The following ULK1 variants were observed in gnomAD, a reference collection of about 807,000 sequenced individuals.
ULK1 encodes serine/threonine-protein kinase ULK1.
A neutral mutation model predicts 117.5 loss-of-function variants in ULK1; 48 were observed. The ratio of observed to expected loss-of-function variants is 0.41; its 90% CI spans 0.32 to 0.52. ULK1 has a LOEUF of 0.52. Among genes scored for constraint, ULK1 ranks in the 20% least tolerant of loss-of-function variants. The pLI, the probability that ULK1 is intolerant of heterozygous loss-of-function variation, is 0.29. For synonymous variants in ULK1, 790 were observed against 637.8 expected, an observed-to-expected ratio of 1.24 and a Z score of -3.60; for missense variants, 1,387 against 1,473.4, an observed-to-expected ratio of 0.94 and a Z score of 0.96.
At position 131,902,113 on chromosome 12, in the gene ULK1, A is replaced by T. The variant is rs1387446624; in HGVS notation, c.247-4779A>T. On this transcript the variant is annotated intron_variant, in intron 3 of 27. Coordinates refer to ENST00000321867, the MANE Select transcript of ULK1 (RefSeq NM_003565.4). The surrounding 1 kb of genome is among the most constrained non-coding windows in gnomAD (Gnocchi z 6.3). ...AGGCCCATACACAATGGGCGGCTGCAGGTGGTTCCCCAGGGCCAGAGGGTG... is the reference window on the plus strand; with the variant it reads ...AGGCCCATACACAATGGGCGGCTGCTGGTGGTTCCCCAGGGCCAGAGGGTG... Among the ~76,000 whole-genome samples, 1 of 152,170 alleles carries T rather than the reference A, an allele frequency of 6.6e-6. No individual in the cohort carries two copies. The highest frequency in any genetic ancestry group is 6.5e-5 in the Admixed American group (1 of 15,278).
chr12:131,910,648 T>A (rs1322212418), intron 11 of ULK1, 64 bp from the exon 12 acceptor site: 33 of 1,612,444 alleles, frequency 2.0e-5, no homozygotes, highest in Non-Finnish European at 2.8e-5. Flanking sequence ...AGTCTGTGGG[T>A]TGGCTCGAGG....
intron 23 of ULK1, among the ~76,000 whole-genome samples, chr12:131,918,914 GTGGGGTGCA>G (rs1357174270): frequency 2.9e-5 from 4 of 139,116 alleles, no homozygotes; most frequent in Non-Finnish European, 4.7e-5. Flanking sequence ...TGTAGGGTGT[GTGGGGTGCA>G]GGGTGTGTGG....
chr12:131,897,173 G>C (rs1182691938), intron 3 of ULK1: 1 of 152,288 alleles, frequency 6.6e-6, no homozygotes, highest in Non-Finnish European at 1.5e-5. Flanking sequence ...CGGGCACCGG[G>C]CTCTGCTGGA....
intron 10 of ULK1, 42 bp from the exon 11 acceptor site, chr12:131,910,212 G>A: frequency 6.2e-7 from 1 of 1,612,102 alleles, no homozygotes; most frequent in Non-Finnish European, 8.5e-7. Context: ...TGGGGTCAGA[G>A]CTGGGGTCCT....
Position 131,921,931 on chromosome 12 carries a change from C to T in ULK1, c.*570C>T, listed in dbSNP as rs1566132673. ...CCTGGTGTTTGTACATACACATATGCAGACACATGCCAGGGCCCCCCAAGC... is the reference window on the plus strand; with the variant it reads ...CCTGGTGTTTGTACATACACATATGTAGACACATGCCAGGGCCCCCCAAGC... On this transcript the variant is annotated 3_prime_UTR_variant, in exon 28 of 28. Transcript: ENST00000321867. 2 of 456,504 alleles carry T rather than the reference C, an allele frequency of 4.4e-6. No individual in the cohort carries two copies. Among genetic ancestry groups the T allele is most frequent in the South Asian group, 1.5e-5 (1 of 64,566 alleles). 28.3% of individuals were successfully genotyped at this position (456,504 alleles called of 1,614,324 possible). A position where few individuals can be genotyped will look rare whatever the true frequency, so the allele number is the denominator to read the frequency against.
Position 131,919,569 on chromosome 12 carries a change from C to G in ULK1, c.2782C>G (p.Leu928Val), listed in dbSNP as rs1407962232. ...IDQIRAGKLC[L>V]SSTVKQVVRR... Reference sequence around the variant, plus strand: ...CCAGATCCGGGCCGGCAAGCTCTGCCTGTCGTCCACTGTGAAGCAGGGTGA... The same window carrying G: ...CCAGATCCGGGCCGGCAAGCTCTGCGTGTCGTCCACTGTGAAGCAGGGTGA... The change falls in exon 25 of 28, where the codon CTG becomes GTG. Residue 928 changes from leucine (L) to valine (V), a missense_variant. Coordinates refer to ENST00000321867, the MANE Select transcript of ULK1 (RefSeq NM_003565.4). 3 of 1,612,010 alleles carry G rather than the reference C, an allele frequency of 1.9e-6. No individual in the cohort carries two copies. The highest frequency in any genetic ancestry group is 2.2e-5 in the East Asian group (1 of 44,886).
intron 3 of ULK1, among the ~76,000 whole-genome samples, chr12:131,896,334 G>T (rs1448087579): frequency 6.6e-6 from 1 of 152,140 alleles, no homozygotes; most frequent in African/African-American, 2.4e-5. Context: ...ATGACCTCGG[G>T]CCCGGCTGGC....
chr12:131,919,881 G>C, intron 25 of ULK1, 98 bp from the exon 26 acceptor site: 1 of 1,491,316 alleles, frequency 6.7e-7, no homozygotes, highest in Non-Finnish European at 9.0e-7. Context: ...GGCAGGGAGG[G>C]AGGGACGTGC....
intron 22 of ULK1, 23 bp from the exon 23 acceptor site, chr12:131,918,474 C>T (rs1889958915): frequency 1.2e-6 from 2 of 1,601,682 alleles, no homozygotes; most frequent in African/African-American, 1.3e-5. Context: ...CCTGGTGTGC[C>T]CCTCATCGCC....
rs1361817743 is a variant in ULK1, at chr12:131,921,794, C to G, written c.*433C>G. ...TCGGCGTCCCCCAGTCTCCAGGAGC[C>G]TCTCCCTCCGAGATACCCACCCAGC... On this transcript the variant is annotated 3_prime_UTR_variant, in exon 28 of 28. Coordinates refer to ENST00000321867, the MANE Select transcript of ULK1 (RefSeq NM_003565.4). The G allele has an allele frequency of 2.0e-6, 1 of 500,602 alleles. No individual in the cohort carries two copies. Among genetic ancestry groups the G allele is most frequent in the Non-Finnish European group, 3.9e-6 (1 of 256,552 alleles). The allele number at this position is 500,602 out of a possible 1,614,324, so 31.0% of individuals were successfully genotyped here. A position where few individuals can be genotyped will look rare whatever the true frequency, so the allele number is the denominator to read the frequency against.
At chr12:131,920,670 G>T in intron 26 of ULK1, 1 of 199,560 alleles carries the variant, frequency 5.0e-6, no homozygotes, top group Non-Finnish European at 1.0e-5. Flanking sequence ...TCTTGCCTCA[G>T]CTTCCCAAGA....
At position 131,913,235 on chromosome 12, in the gene ULK1, G is replaced by C. The variant is rs561387032; in HGVS notation, c.1134G>C (p.Pro378=). 6.3e-7 allele frequency: 1 copy of C among 1,592,308 alleles called. No homozygotes were observed. Among genetic ancestry groups the C allele is most frequent in the African/African-American group, 1.4e-5 (1 of 73,432 alleles). The change falls in exon 14 of 28, where the codon CCG becomes CCC. Residue 378 remains proline (P), a synonymous_variant. Coordinates refer to ENST00000321867, the MANE Select transcript of ULK1 (RefSeq NM_003565.4). ...LVAEAPSAKP[P]PDSLMCSGSS... ...CTGAGGCGCCCAGTGCCAAACCCCCGCCAGACAGCCTGATGTGCAGTGGGT... is the reference window on the plus strand; with the variant it reads ...CTGAGGCGCCCAGTGCCAAACCCCCCCCAGACAGCCTGATGTGCAGTGGGT...
chr12:131,918,634 G>T lies in ULK1; in HGVS notation c.2464G>T (p.Ala822Ser), dbSNP rs1191399202. ...ADPITANLEG[A>S]VTFEAPDLPE... is the part of the protein sequence containing the mutation. The stretch of plus-strand genomic sequence containing the variant: ...CCCCATTACTGCGAACCTGGAGGGG[G>T]CTGTGACCTTCGAGGCCCCCGACCT... Residue 822 changes from alanine (A) to serine (S), a missense_variant, in exon 23 of 28, where the codon GCT (alanine) becomes TCT (serine). This residue lies in a region of ULK1 where 900 missense variants were observed against 858.9 expected (regional missense o/e 1.05). Coordinates refer to ENST00000321867, the MANE Select transcript of ULK1 (RefSeq NM_003565.4). 1 of 1,609,750 alleles carries T rather than the reference G, an allele frequency of 6.2e-7. No individual in the cohort carries two copies. The highest frequency in any genetic ancestry group is 1.1e-5 in the South Asian group (1 of 90,622).
intron 3 of ULK1, among the ~76,000 whole-genome samples, chr12:131,900,417 G>A (rs904634986): frequency 1.3e-5 from 2 of 152,212 alleles, no homozygotes; most frequent in Non-Finnish European, 2.9e-5. Context: ...TGTGCCTTGG[G>A]TCACGCTCTT....
intron 21 of ULK1, 56 bp downstream of exon 21, chr12:131,917,118 T>TGGGGCTTGGAGGCTGTGGGAC: frequency 1.1e-5 from 3 of 267,368 alleles, no homozygotes; most frequent in Non-Finnish European, 1.7e-5. Flanking sequence ...GGCTGTGGGA[T>TGGGGCTTGGAGGCTGTGGGAC]GGGGGTCGGA....
At chr12:131,915,051 G>T in intron 16 of ULK1, 32 bp from the exon 17 acceptor site, 1 of 1,520,260 alleles carries the variant, frequency 6.6e-7, no homozygotes, top group Non-Finnish European at 8.8e-7. Context: ...GGCTGCTGAG[G>T]CCTCCCCTCC....
intron 22 of ULK1, chr12:131,918,284 A>G (rs1315919651): frequency 8.2e-6 from 5 of 612,958 alleles, no homozygotes; most frequent in Middle Eastern, 3.9e-4. Flanking sequence ...TGAGGTGGGG[A>G]GCTGGGGACT....
chr12:131,913,180 C>T lies in ULK1; in HGVS notation c.1097-18C>T. ...CAGGCGGCAAGGACTCCAGGCCCAG[C>T]CTTGTCTCCCCCTGCAGGTGACCTG... On this transcript the variant is annotated intron_variant, in intron 13 of 27. Transcript: ENST00000321867. The T allele has an allele frequency of 6.4e-7, 1 of 1,563,706 alleles. No individual in the cohort carries two copies. The highest frequency in any genetic ancestry group is 8.6e-7 in the Non-Finnish European group (1 of 1,160,990).
In ULK1 at chr12:131,923,060, T is replaced by G. The variant is rs1290604319; in HGVS notation, c.*1699T>G. 2 of 152,292 alleles carry G rather than the reference T, an allele frequency of 1.3e-5. No homozygotes were observed. The highest frequency in any genetic ancestry group is 2.9e-5 in the Non-Finnish European group (2 of 68,072). 9.4% of individuals were successfully genotyped at this position (152,292 alleles called of 1,614,324 possible). A position where few individuals can be genotyped will look rare whatever the true frequency, so the allele number is the denominator to read the frequency against. ...GTTCTCTTGATAGTGCTGGACCCTT[T>G]GTCTATTTTAAAGCGAATTTTGTGT... On this transcript the variant is annotated 3_prime_UTR_variant, in exon 28 of 28. Transcript: ENST00000321867.
Sources: allele counts gnomAD v4.1 joint callset (sites outside exome capture counted in the v4.1 genomes callset), GRCh38; gene constraint gnomAD v4.1.1; regional missense constraint gnomAD v4.1.1; non-coding constraint Gnocchi (gnomAD v3.1); transcripts MANE v1.5; gene names NCBI Gene and HGNC (gene_info 2026-07-23, HGNC 2026-07-21).